The following CNTNAP4 variants were observed in gnomAD, a reference collection of about 807,000 sequenced individuals.
The protein encoded by CNTNAP4 is contactin associated protein family member 4.
A neutral mutation model predicts 148.4 loss-of-function variants in CNTNAP4; 98 were observed. The observed-to-expected ratio is 0.66, with a 90% CI of 0.56 to 0.78. The LOEUF is 0.78. Among genes scored for constraint, CNTNAP4 ranks in the 30% least tolerant of loss-of-function variants. The pLI is 0.00. For synonymous variants in CNTNAP4, 730 were observed against 565.1 expected (o/e 1.29, Z -4.14); for missense variants, 1,935 against 1,565.6 (o/e 1.24, Z -3.98).
chr16:76,536,314 G>A (rs980585118), intron 18 of CNTNAP4, among the ~76,000 whole-genome samples: 3 of 151,910 alleles, frequency 2.0e-5, no homozygotes, highest in Non-Finnish European at 4.4e-5. Flanking sequence ...TCCTGCCTCC[G>A]CCTCCCGAGT....
At chr16:76,389,759 T>G (rs1194539782) in intron 3 of CNTNAP4, among the ~76,000 whole-genome samples, 20 of 152,060 alleles carry the variant, frequency 1.3e-4, no homozygotes, top group Non-Finnish European at 1.5e-5. Flanking sequence ...AGCCACCACA[T>G]CCAGCCAACA....
intron 12 of CNTNAP4, among the ~76,000 whole-genome samples, chr16:76,485,420 A>G (rs1006267890): frequency 1.3e-5 from 2 of 152,180 alleles, no homozygotes; most frequent in African/African-American, 4.8e-5. Context: ...CCCAGCCTTC[A>G]TTGCTTTTTC....
chr16:76,457,403 C>A (rs1172174042), intron 8 of CNTNAP4, among the ~76,000 whole-genome samples: 1 of 152,230 alleles, frequency 6.6e-6, no homozygotes, highest in Non-Finnish European at 1.5e-5. Context: ...AAGGTTCCCC[C>A]ACAAACATGG....
chr16:76,361,336 T>C (rs1196319029), intron 3 of CNTNAP4, among the ~76,000 whole-genome samples: 1 of 152,192 alleles, frequency 6.6e-6, no homozygotes, highest in East Asian at 1.9e-4. Context: ...ATCATTCAAC[T>C]TTCTGCCTCT....
chr16:76,447,091 T>C (rs901326670), intron 4 of CNTNAP4, among the ~76,000 whole-genome samples: 4 of 152,102 alleles, frequency 2.6e-5, no homozygotes, highest in African/African-American at 9.7e-5. Context: ...GCAGATCGCC[T>C]AAACCCAGGA....
chr16:76,538,211 T>C lies in CNTNAP4; in HGVS notation c.3091T>C (p.Phe1031Leu). ...AAACTCCAGCTCCCACGCTGCTTCA[T>C]TTCATGGTGATATGAAGCTGAGCAG... ...SKNSSSHAAS[F>L]HGDMKLSREM... The change falls in exon 19 of 24, where the codon TTT (phenylalanine) becomes CTT (leucine). Residue 1031 changes from phenylalanine (F) to leucine (L), a missense_variant. Physicochemically the swap from Phe to Leu is conservative, Grantham distance 22 (BLOSUM62 0). Transcript: ENST00000611870. The C allele has an allele frequency of 6.2e-7, 1 of 1,610,188 alleles. No homozygotes were observed.
chr16:76,463,737 A>G (rs2081072508), intron 9 of CNTNAP4, among the ~76,000 whole-genome samples: 4 of 152,280 alleles, frequency 2.6e-5, no homozygotes, highest in Middle Eastern at 3.4e-3. Context: ...AAGATGATCA[A>G]TGCATGTCTG....
At chr16:76,346,456 G>GTAGA (rs1458076239) in intron 2 of CNTNAP4, among the ~76,000 whole-genome samples, 1 of 146,550 alleles carries the variant, frequency 6.8e-6, no homozygotes, top group Non-Finnish European at 1.5e-5. Context: ...AAAAAAGAAG[G>GTAGA]TAGAGAAGCA....
intron 13 of CNTNAP4, among the ~76,000 whole-genome samples, chr16:76,493,849 C>T (rs1003675006): frequency 8.5e-5 from 13 of 152,128 alleles, no homozygotes; most frequent in Admixed American, 4.6e-4. Context: ...TGGGAGAGAG[C>T]TTGTCAGCAT....
chr16:76,438,992 A>C (rs943569063), intron 4 of CNTNAP4, among the ~76,000 whole-genome samples: 6 of 152,128 alleles, frequency 3.9e-5, no homozygotes, highest in African/African-American at 1.4e-4. Context: ...CTATATTTTT[A>C]AATAGACCAA....
intron 1 of CNTNAP4, among the ~76,000 whole-genome samples, chr16:76,291,205 T>C (rs916458622): frequency 2.6e-5 from 4 of 152,194 alleles, no homozygotes; most frequent in Admixed American, 6.5e-5. Flanking sequence ...TTGCTTTTTT[T>C]CAGTATTGGG....
intron 2 of CNTNAP4, among the ~76,000 whole-genome samples, chr16:76,353,916 C>T (rs2012210470): frequency 6.6e-6 from 1 of 152,166 alleles, no homozygotes. Context: ...TAACAGCAAA[C>T]ATTTATTGAG....
intron 10 of CNTNAP4, among the ~76,000 whole-genome samples, chr16:76,468,678 G>T (rs1412597554): frequency 6.6e-6 from 1 of 151,866 alleles, no homozygotes; most frequent in Non-Finnish European, 1.5e-5. Flanking sequence ...TAGAGACAGG[G>T]TTTTGCCATG....
chr16:76,347,914 G>A (rs768747758), intron 2 of CNTNAP4, among the ~76,000 whole-genome samples: 2 of 152,178 alleles, frequency 1.3e-5, no homozygotes, highest in Non-Finnish European at 2.9e-5. Context: ...ACTCTGTAGA[G>A]TTGAGAGTTC....
intron 3 of CNTNAP4, among the ~76,000 whole-genome samples, chr16:76,379,297 A>ACTTTCATCTCT (rs1202426207): frequency 6.6e-6 from 1 of 152,212 alleles, no homozygotes; most frequent in Non-Finnish European, 1.5e-5. Context: ...AGAGAATGAG[A>ACTTTCATCTCT]TTCACAGAAA....
At chr16:76,413,383 G>A (rs2078866209) in intron 3 of CNTNAP4, among the ~76,000 whole-genome samples, 1 of 151,148 alleles carries the variant, frequency 6.6e-6, no homozygotes, top group Non-Finnish European at 1.5e-5. Context: ...ACAGCACCAT[G>A]TATTTAAAAG....
chr16:76,452,457 A>C, intron 7 of CNTNAP4, 51 bp from the exon 8 acceptor site: 1 of 1,576,722 alleles, frequency 6.3e-7, no homozygotes, highest in Non-Finnish European at 8.7e-7. Flanking sequence ...TTCTGTTACT[A>C]ATGTGATGTG....
At chr16:76,546,296 C>T (rs1028919378) in intron 21 of CNTNAP4, among the ~76,000 whole-genome samples, 9 of 152,160 alleles carry the variant, frequency 5.9e-5, no homozygotes, top group Admixed American at 2.0e-4. Flanking sequence ...AAGTACTGTG[C>T]TGCACAGCAG....
At chr16:76,403,897 G>A (rs1346035843) in intron 3 of CNTNAP4, among the ~76,000 whole-genome samples, 1 of 152,162 alleles carries the variant, frequency 6.6e-6, no homozygotes, top group African/African-American at 2.4e-5. Context: ...GTCTTTTATG[G>A]GAACATGGAT....
Sources: allele counts gnomAD v4.1 joint callset (sites outside exome capture counted in the v4.1 genomes callset), GRCh38; gene constraint gnomAD v4.1.1; transcripts MANE v1.5; gene names NCBI Gene and HGNC (gene_info 2026-07-23, HGNC 2026-07-21).